The following WNT2B variants were observed in gnomAD, a reference collection of about 807,000 sequenced individuals.
WNT2B encodes the protein Wnt family member 2B.
A neutral mutation model predicts 40.5 loss-of-function variants in WNT2B; 19 were observed. The ratio of observed to expected loss-of-function variants is 0.47; its 90% CI spans 0.33 to 0.69. WNT2B has a LOEUF of 0.69. Among genes scored for constraint, WNT2B ranks in the 30% least tolerant of loss-of-function variants. The pLI, the probability that WNT2B is intolerant of heterozygous loss-of-function variation, is 0.02. For missense variants in WNT2B, 467 were observed against 556.4 expected (o/e 0.84, Z 1.62); for synonymous variants, 220 against 211.9 (o/e 1.04, Z -0.33).
rs1454872972 is a variant in WNT2B, at chr1:112,509,308, C to T, written c.46C>T (p.Arg16Trp). ...GAEEAAQLPLRRASAPVPVPS... is the reference protein window; with the variant it reads ...GAEEAAQLPLWRASAPVPVPS... ...GGAGGAAGCTGCGCAGCTCCCGCTTCGGCGCGCCAGCGCCCCGGTCCCTGT... is the reference window on the plus strand; with the variant it reads ...GGAGGAAGCTGCGCAGCTCCCGCTTTGGCGCGCCAGCGCCCCGGTCCCTGT... The change falls in exon 1 of 5, where the codon CGG becomes TGG. Residue 16 changes from arginine (R) to tryptophan (W), a missense_variant. Coordinates refer to ENST00000369684, the MANE Select transcript of WNT2B (RefSeq NM_024494.3). The surrounding 1 kb of genome is among the most constrained non-coding windows in gnomAD (Gnocchi z 4.2). 1.9e-6 allele frequency: 3 copies of T among 1,562,596 alleles called. No individual in the cohort carries two copies. Among genetic ancestry groups the T allele is most frequent in the Admixed American group, 1.9e-5 (1 of 53,152 alleles).
chr1:112,498,389 G>A (rs1461690290), intron 1 of WNT2B, among the ~76,000 whole-genome samples: 10 of 151,854 alleles, frequency 6.6e-5, no homozygotes, highest in Admixed American at 6.6e-4. Flanking sequence ...AAGTAGCTGG[G>A]ATTACAGGCT....
At position 112,509,383 on chromosome 1, in the gene WNT2B, C is replaced by A; in HGVS notation, c.121C>A (p.Leu41Ile). The A allele has an allele frequency of 6.3e-7, 1 of 1,596,844 alleles. No homozygotes were observed. The highest frequency in any genetic ancestry group is 8.5e-7 in the Non-Finnish European group (1 of 1,177,460). Residue 41 changes from leucine to isoleucine, a missense_variant, in exon 1 of 5, where the codon CTT (leucine) becomes ATT (isoleucine). This residue lies in a region of WNT2B where 137 missense variants were observed against 117.7 expected (regional missense o/e 1.16). Coordinates refer to ENST00000369684, the MANE Select transcript of WNT2B (RefSeq NM_024494.3). The surrounding 1 kb of genome is among the most constrained non-coding windows in gnomAD (Gnocchi z 4.2). ...DGSRASARLGLACLLLLLLLT... is the reference protein window; with the variant it reads ...DGSRASARLGIACLLLLLLLT... Reference sequence around the variant, plus strand: ...CTCCCGGGCTTCGGCCCGCCTAGGTCTTGCCTGCCTTCTGCTCCTGCTGCT... The same window carrying A: ...CTCCCGGGCTTCGGCCCGCCTAGGTATTGCCTGCCTTCTGCTCCTGCTGCT...
Position 112,502,433 on chromosome 1 carries a change from G to A in WNT2B, c.-94-12441G>A, listed in dbSNP as rs373907733. Among the ~76,000 whole-genome samples, 11 of 152,254 alleles carry A rather than the reference G, an allele frequency of 7.2e-5. No homozygotes were observed. The East Asian group carries it at 1.5e-3, about 21-fold the overall frequency. ...GATAAACAGCTAAAGCTGGAGACCC[G>A]GCTAAATGATACAATAAGTTCTCTA... is the stretch of plus-strand genomic sequence containing the variant. On this transcript the variant is annotated intron_variant, in intron 1 of 4. Coordinates refer to the WNT2B transcript ENST00000256640.
rs200355523 is a variant in WNT2B at position 112,520,538 on chromosome 1, A to G, written c.*29A>G. ...CACAGATACCTCACTCATCCCTCCAATTCAAGCCTCTCAACTCAAAAGCAC... is the reference window on the plus strand; with the variant it reads ...CACAGATACCTCACTCATCCCTCCAGTTCAAGCCTCTCAACTCAAAAGCAC... On this transcript the variant is annotated 3_prime_UTR_variant, in exon 5 of 5. Transcript: ENST00000369684. The G allele has an allele frequency of 2.9e-5, 47 of 1,606,604 alleles. 1 individual carries two copies. The highest frequency in any genetic ancestry group is 3.5e-5 in the Non-Finnish European group (41 of 1,175,566).
chr1:112,513,505 G>A, intron 1 of WNT2B, among the ~76,000 whole-genome samples: 1 of 146,684 alleles, frequency 6.8e-6, no homozygotes, highest in East Asian at 2.1e-4. Context: ...GTCACCAGTG[G>A]TGATCCAGTC....
At chr1:112,478,766 T>A (rs1651129301) in intron 1 of WNT2B, among the ~76,000 whole-genome samples, 2 of 151,268 alleles carry the variant, frequency 1.3e-5, no homozygotes, top group South Asian at 4.2e-4. Flanking sequence ...ACAAAAAAAA[T>A]TTAAAAATTA....
At chr1:112,479,271 C>T (rs969720977) in intron 1 of WNT2B, among the ~76,000 whole-genome samples, 19 of 151,308 alleles carry the variant, frequency 1.3e-4, no homozygotes, top group African/African-American at 2.4e-4. Context: ...TTAAACAAAA[C>T]ATAAGACAAA....
At chr1:112,470,251 A>G (rs570981974) in intron 1 of WNT2B, among the ~76,000 whole-genome samples, 4 of 152,138 alleles carry the variant, frequency 2.6e-5, no homozygotes, top group African/African-American at 9.6e-5. Flanking sequence ...ACCAGATATA[A>G]TTTTCTAGGG....
At chr1:112,507,448 G>T (rs1363591507), upstream of WNT2B, among the ~76,000 whole-genome samples, 1 of 152,216 alleles carries the variant, frequency 6.6e-6, no homozygotes, top group Non-Finnish European at 1.5e-5. Flanking sequence ...GAGTGTCACT[G>T]TAGGTTGGGG....
At chr1:112,484,290 T>TATATAC (rs1294363726) in intron 1 of WNT2B, among the ~76,000 whole-genome samples, 5 of 126,038 alleles carry the variant, frequency 4.0e-5, no homozygotes, top group African/African-American at 1.3e-4. Flanking sequence ...TATATATATA[T>TATATAC]ACACACACAT....
In WNT2B at chr1:112,517,369, C is replaced by T; in HGVS notation, c.930C>T (p.Val310=). 1 of 1,606,286 alleles carries T rather than the reference C, an allele frequency of 6.2e-7. No individual in the cohort carries two copies. ...TTGACAACTCTCCAGATTACTGTGT[C>T]TTGGACAAGGCTGCAGGTGAGTAAG... ...VYFDNSPDYC[V]LDKAAGSLGT... is the part of the protein sequence containing the mutation. The change falls in exon 4 of 5, where the codon GTC becomes GTT. Residue 310 remains valine (V), a synonymous_variant. Coordinates refer to ENST00000369684, the MANE Select transcript of WNT2B (RefSeq NM_024494.3).
chr1:112,487,933 CAAAAAAAAAAAAA>C (rs59297238), intron 1 of WNT2B, among the ~76,000 whole-genome samples: 1 of 68,204 alleles, frequency 1.5e-5, no homozygotes, highest in Non-Finnish European at 2.6e-5. Flanking sequence ...GGCTCTGACT[CAAAAAAAAAAAAA>C]AAAAAAAAAA....
In WNT2B at chr1:112,487,890, C is replaced by T. The variant is rs547102843; in HGVS notation, c.-95+20299C>T. 5.3e-5 allele frequency among the ~76,000 whole-genome samples: 7 copies of T among 131,942 alleles called. No homozygotes were observed. The South Asian group carries it at 9.7e-4, about 18-fold the overall frequency. 86.6% of individuals were successfully genotyped at this position (131,942 alleles called of 152,430 possible). A position where few individuals can be genotyped will look rare whatever the true frequency, so the allele number is the denominator to read the frequency against. On this transcript the variant is annotated intron_variant, in intron 1 of 4. Transcript: ENST00000256640. The stretch of plus-strand genomic sequence containing the variant: ...CAGAGGTTGCAATGAGCCGAGATTG[C>T]GCCACTGCACTCCAGCCTGGGTGAC...
chr1:112,504,234 G>C (rs542680615), upstream of WNT2B, among the ~76,000 whole-genome samples: 2 of 152,180 alleles, frequency 1.3e-5, no homozygotes, highest in East Asian at 3.9e-4. Flanking sequence ...GTGCCAAAAG[G>C]CTCCAGACAC....
intron 1 of WNT2B, among the ~76,000 whole-genome samples, chr1:112,495,700 C>A (rs985947455): frequency 3.3e-5 from 5 of 151,730 alleles, no homozygotes; most frequent in African/African-American, 9.7e-5. Flanking sequence ...TAAGACCCAA[C>A]AATATCTGTT....
chr1:112,489,995 AAAATTAG>A (rs777422245), intron 1 of WNT2B, among the ~76,000 whole-genome samples: 4 of 152,206 alleles, frequency 2.6e-5, no homozygotes, highest in Non-Finnish European at 5.9e-5. Context: ...ATAAAAATTA[AAAATTAG>A]AAATACACAT....
intron 1 of WNT2B, among the ~76,000 whole-genome samples, chr1:112,469,027 A>G (rs1221513950): frequency 6.6e-6 from 1 of 152,204 alleles, no homozygotes; most frequent in Non-Finnish European, 1.5e-5. Context: ...GCATATGGTT[A>G]TTCAGTTTTC....
intron 1 of WNT2B, among the ~76,000 whole-genome samples, chr1:112,503,865 G>A (rs758619803): frequency 1.7e-4 from 26 of 152,070 alleles, no homozygotes; most frequent in Admixed American, 6.5e-5. Context: ...GAGACCCAGG[G>A]AGATGGAGAC....
Position 112,509,279 on chromosome 1 carries a change from G to C in WNT2B, c.17G>C (p.Gly6Ala). Residue 6 changes from glycine to alanine, a missense_variant, in exon 1 of 5, where the codon GGT (glycine) becomes GCT (alanine). Gly to Ala is a moderately conservative substitution (Grantham distance 60, BLOSUM62 0). This residue lies in a region of WNT2B where 137 missense variants were observed against 117.7 expected (regional missense o/e 1.16). Coordinates refer to ENST00000369684, the MANE Select transcript of WNT2B (RefSeq NM_024494.3). This position sits in a 1 kb window ranked among gnomAD's most constrained non-coding sequence, Gnocchi z 4.2. MLRPG[G>A]AEEAAQLPLR... The stretch of plus-strand genomic sequence containing the variant: ...CGGGGAGCTATGCTGAGACCGGGTG[G>C]TGCGGAGGAAGCTGCGCAGCTCCCG... 1 of 1,536,852 alleles carries C rather than the reference G, an allele frequency of 6.5e-7. No individual in the cohort carries two copies. Among genetic ancestry groups the C allele is most frequent in the Middle Eastern group, 2.3e-4 (1 of 4,328 alleles).
Sources: allele counts gnomAD v4.1 joint callset (sites outside exome capture counted in the v4.1 genomes callset), GRCh38; gene constraint gnomAD v4.1.1; regional missense constraint gnomAD v4.1.1; non-coding constraint Gnocchi (gnomAD v3.1); transcripts MANE v1.5; gene names NCBI Gene and HGNC (gene_info 2026-07-23, HGNC 2026-07-21).